TIMM21: variants seen among roughly 807,000 people sequenced by gnomAD.
TIMM21 encodes mitochondrial import inner membrane translocase subunit Tim21.
In TIMM21, 30 loss-of-function variants were observed where a neutral mutation model predicts 27.7. The observed-to-expected ratio is 1.08, with a 90% CI of 0.81 to 1.47. The LOEUF (loss-of-function observed/expected upper bound fraction) is 1.47, where lower values mean the gene tolerates loss of function less well. TIMM21 is among the 40% of genes most tolerant of loss of function. The pLI, the probability that TIMM21 is intolerant of heterozygous loss-of-function variation, is 0.00. For missense variants in TIMM21, 292 were observed against 302.9 expected (o/e 0.96, Z 0.27); for synonymous variants, 121 against 114.4 (o/e 1.06, Z -0.37).
At chr18:74,149,321 T>C (rs567118716) in intron 1 of TIMM21, among the ~76,000 whole-genome samples, 1 of 152,256 alleles carries the variant, frequency 6.6e-6, no homozygotes, top group Non-Finnish European at 1.5e-5. Context: ...GAATTTGATA[T>C]AACTTTTTTT....
intron 3 of TIMM21, among the ~76,000 whole-genome samples, chr18:74,155,714 G>T (rs1028054624): frequency 1.3e-5 from 2 of 152,174 alleles, no homozygotes; most frequent in African/African-American, 4.8e-5. Flanking sequence ...CCTGATGCAT[G>T]ACCTCATGGT....
chr18:74,158,305 A>C (rs1171496875), intron 5 of TIMM21, 29 bp downstream of exon 5: 1 of 1,613,164 alleles, frequency 6.2e-7, no homozygotes, highest in African/African-American at 1.3e-5. Context: ...GTGGGGTCAG[A>C]GGTTCTGAGC....
Position 74,152,131 on chromosome 18 carries a change from C to T in TIMM21, c.302-3014C>T, listed in dbSNP as rs1295171893. Among the ~76,000 whole-genome samples the T allele has an allele frequency of 6.6e-6, 1 of 152,114 alleles. No individual in the cohort carries two copies. The highest frequency in any genetic ancestry group is 1.9e-4 in the East Asian group (1 of 5,190). ...AGGTGGAGGAAGTGCCAACCTTTAC[C>T]AGACACTGAGCTGCTGCTTCAGGGC... is the stretch of plus-strand genomic sequence containing the variant. On this transcript the variant is annotated intron_variant, in intron 1 of 5. Coordinates refer to ENST00000169551, the MANE Select transcript of TIMM21 (RefSeq NM_014177.3). The surrounding 1 kb of genome is among the most constrained non-coding windows in gnomAD (Gnocchi z 4.1).
chr18:74,149,013 G>A lies in TIMM21; in HGVS notation c.205G>A (p.Gly69Arg). Reference sequence around the variant, plus strand: ...CACCCAGAAAACCATCTGGACGCAGGGACCGAGCCCCCGAAAAGCAAAGGA... The same window carrying A: ...CACCCAGAAAACCATCTGGACGCAGAGACCGAGCCCCCGAAAAGCAAAGGA... Reference protein sequence around the residue: ...GVTQKTIWTQGPSPRKAKEDG... With the variant: ...GVTQKTIWTQRPSPRKAKEDG... The change falls in exon 1 of 6, where the codon GGA becomes AGA. Residue 69 changes from glycine to arginine, a missense_variant. Transcript: ENST00000169551. 1 of 1,614,112 alleles carries A rather than the reference G, an allele frequency of 6.2e-7. No homozygotes were observed. Among genetic ancestry groups the A allele is most frequent in the Non-Finnish European group, 8.5e-7 (1 of 1,180,034 alleles).
intron 1 of TIMM21, 97 bp from the exon 2 acceptor site, chr18:74,155,047 TG>T: frequency 8.4e-7 from 1 of 1,189,900 alleles, no homozygotes; most frequent in Non-Finnish European, 1.2e-6. Context: ...TGCTTTGATC[TG>T]GAGGCTGCTT....
intron 1 of TIMM21, among the ~76,000 whole-genome samples, chr18:74,149,356 A>G (rs1047204637): frequency 6.6e-5 from 10 of 152,182 alleles, no homozygotes; most frequent in African/African-American, 2.4e-4. Context: ...AATTTTTCTC[A>G]AGTTATATTG....
chr18:74,155,348 C>T lies in TIMM21; in HGVS notation c.407C>T (p.Ser136Phe). 1 of 1,613,506 alleles carries T rather than the reference C, an allele frequency of 6.2e-7. No individual in the cohort carries two copies. Among genetic ancestry groups the T allele is most frequent in the African/African-American group, 1.3e-5 (1 of 74,970 alleles). ...ATTTTCAAAGAACTTTTTTCTTCAT[C>T]CAGTCCTAGCAAGATATATGGGAGA... ...YTIFKELFSS[S>F]SPSKIYGRAL... Residue 136 changes from serine to phenylalanine, a missense_variant, in exon 3 of 6, where the codon TCC becomes TTC. Coordinates refer to ENST00000169551, the MANE Select transcript of TIMM21 (RefSeq NM_014177.3).
intron 3 of TIMM21, 174 bp from the exon 4 acceptor site, chr18:74,157,840 C>G: frequency 1.6e-6 from 1 of 641,678 alleles, no homozygotes; most frequent in Non-Finnish European, 2.6e-6. Context: ...TGTGATCCAC[C>G]CATCTTGGCC....
Position 74,158,471 on chromosome 18 carries a change from A to G in TIMM21, c.738A>G (p.Gln246=), listed in dbSNP as rs780130146. 8.8e-6 allele frequency: 14 copies of G among 1,584,374 alleles called. No individual in the cohort carries two copies. The South Asian group carries it at 1.6e-4, about 18-fold the overall frequency. Residue 246 remains glutamine, a synonymous_variant, in exon 6 of 6, where the codon CAA becomes CAG. Coordinates refer to ENST00000169551, the MANE Select transcript of TIMM21 (RefSeq NM_014177.3). The part of the protein sequence containing the change: ...RTIIIEDNRS[Q]DD ...TTATCATTGAAGATAATCGATCCCA[A>G]GATGATTAAAATAGGGTTTCTGATG...
chr18:74,149,182 G>A (rs1436587225), intron 1 of TIMM21, 73 bp downstream of exon 1: 1 of 1,496,058 alleles, frequency 6.7e-7, no homozygotes, highest in Non-Finnish European at 9.0e-7. Flanking sequence ...TTTATACCAA[G>A]TTCACTGCTA....
In TIMM21 at chr18:74,152,825, GGA is replaced by G. The variant is rs1311458154; in HGVS notation, c.302-2316_302-2315del. Among the ~76,000 whole-genome samples the G allele has an allele frequency of 6.6e-6, 1 of 152,194 alleles. No individual in the cohort carries two copies. The highest frequency in any genetic ancestry group is 1.5e-5 in the Non-Finnish European group (1 of 68,032). On this transcript the variant is annotated intron_variant, in intron 1 of 5. Transcript: ENST00000169551. This position sits in a 1 kb window ranked among gnomAD's most constrained non-coding sequence, Gnocchi z 4.1. ...ATGAGGGAAGCAGGACTGGGCAGAG[GGA>G]GAGGCCGAAGTGCATTTGCAGTTGG... is the stretch of plus-strand genomic sequence containing the variant.
At chr18:74,153,951 A>T (rs1648478464) in intron 1 of TIMM21, among the ~76,000 whole-genome samples, 1 of 151,850 alleles carries the variant, frequency 6.6e-6, no homozygotes, top group Non-Finnish European at 1.5e-5. Context: ...CCAGGAGGTG[A>T]CTCACTTTCT....
chr18:74,160,328 AAAC>A lies in TIMM21; in HGVS notation c.*1851_*1853del, dbSNP rs1195452128. On this transcript the variant is annotated 3_prime_UTR_variant, in exon 6 of 6. Coordinates refer to ENST00000169551, the MANE Select transcript of TIMM21 (RefSeq NM_014177.3). Reference sequence around the variant, plus strand: ...AGTGTGACTTCGTCTCAAAAAAAAAAAACAAAAAACAGATCTGAGCTTTTATAA... The same window carrying A: ...AGTGTGACTTCGTCTCAAAAAAAAAAAAAAAACAGATCTGAGCTTTTATAA... 1.3e-5 allele frequency: 2 copies of A among 151,874 alleles called. No individual in the cohort carries two copies. Among genetic ancestry groups the A allele is most frequent in the African/African-American group, 4.8e-5 (2 of 41,270 alleles). 9.4% of individuals were successfully genotyped at this position (151,874 alleles called of 1,614,324 possible).
rs1473998669 is a variant in TIMM21, at chr18:74,160,394, ACT to A, written c.*1917_*1918del. On this transcript the variant is annotated 3_prime_UTR_variant, in exon 6 of 6. Transcript: ENST00000169551. ...CTAAATTACTTTTTCAAAAGGAAAA[ACT>A]CTGTACCAATAAGAGATTCTTCTGT... 1 of 152,130 alleles carries A rather than the reference ACT, an allele frequency of 6.6e-6. No homozygotes were observed. The highest frequency in any genetic ancestry group is 2.1e-4 in the South Asian group (1 of 4,822). The allele number at this position is 152,130 out of a possible 1,614,324, so 9.4% of individuals were successfully genotyped here.
intron 1 of TIMM21, among the ~76,000 whole-genome samples, chr18:74,151,946 C>CCCG (rs1555682325): frequency 2.1e-5 from 3 of 140,616 alleles, no homozygotes; most frequent in African/African-American, 9.3e-5. Context: ...TTCCCCCCCC[C>CCCG]CCCGGGGGGA....
Position 74,149,068 on chromosome 18 carries a change from G to T in TIMM21, c.260G>T (p.Arg87Met). The T allele has an allele frequency of 1.9e-6, 3 of 1,613,028 alleles. No individual in the cohort carries two copies. In the East Asian group the frequency reaches 6.7e-5, roughly 36 times the overall value. Residue 87 changes from arginine (R) to methionine (M), a missense_variant, in exon 1 of 6, where the codon AGG becomes ATG. Coordinates refer to ENST00000169551, the MANE Select transcript of TIMM21 (RefSeq NM_014177.3). The stretch of plus-strand genomic sequence containing the variant: ...GGCAGCAAACAAGTGTCTGTGCACA[G>T]GAGTCAGAGAGGGGGAACCGCCGTC... ...EDGSKQVSVH[R>M]SQRGGTAVPT...
chr18:74,156,320 G>A (rs572951002), intron 3 of TIMM21: 11 of 398,652 alleles, frequency 2.8e-5, no homozygotes, highest in South Asian at 2.5e-4. Flanking sequence ...AATCCACAGC[G>A]TGCTCAGTAT....
At chr18:74,151,486 C>A (rs1404179777) in intron 1 of TIMM21, among the ~76,000 whole-genome samples, 1 of 152,146 alleles carries the variant, frequency 6.6e-6, no homozygotes, top group Non-Finnish European at 1.5e-5. Context: ...GATGGTTGCA[C>A]CCACCTTGGC....
rs1440395835 is a variant in TIMM21, at chr18:74,155,030, GACC to G, written c.302-114_302-112del. The G allele has an allele frequency of 1.2e-4, 117 of 944,952 alleles. No homozygotes were observed. In the East Asian group the frequency reaches 2.8e-3, roughly 22 times the overall value. The allele number at this position is 944,952 out of a possible 1,614,324, so 58.5% of individuals were successfully genotyped here. ...AAACAGCTGCCCCTGAACACACACAGACCCCTTGCTTTGATCTGGAGGCTGCTT... is the reference window on the plus strand; with the variant it reads ...AAACAGCTGCCCCTGAACACACACAGCCTTGCTTTGATCTGGAGGCTGCTT... On this transcript the variant is annotated intron_variant, in intron 1 of 5. Coordinates refer to ENST00000169551, the MANE Select transcript of TIMM21 (RefSeq NM_014177.3).
Sources: gnomAD v4.1 joint callset for allele counts (sites outside exome capture counted in the v4.1 genomes callset) on GRCh38, gnomAD v4.1.1 for gene constraint, Gnocchi (gnomAD v3.1) non-coding constraint, MANE v1.5 for transcripts, NCBI Gene and HGNC (gene_info 2026-07-23, HGNC 2026-07-21) for gene names.